Variants in GSE1 observed in about 807,000 individuals in gnomAD.
The protein encoded by GSE1 is Gse1 coiled-coil protein, also known as genetic suppressor element 1.
In GSE1, 32 loss-of-function variants were observed where a neutral mutation model predicts 112.6. The observed-to-expected ratio is 0.28, with a 90% CI of 0.21 to 0.38. The LOEUF is 0.38. Among genes scored for constraint, GSE1 ranks in the 10% least tolerant of loss-of-function variants. The probability of loss-of-function intolerance (pLI) is 1.00; values close to 1 mark genes in which losing one functional copy is unlikely to be tolerated. For missense variants in GSE1, 2,348 were observed against 1,699.2 expected (o/e 1.38, Z -6.71); for synonymous variants, 1,115 against 735.6 (o/e 1.52, Z -8.35).
intron 1 of GSE1, chr16:85,583,215 G>A (rs538747576): frequency 1.3e-5 from 2 of 152,296 alleles, no homozygotes; most frequent in East Asian, 3.9e-4. Flanking sequence ...GACATACAGC[G>A]ATTCTCAGTT....
intron 2 of GSE1, among the ~76,000 whole-genome samples, chr16:85,374,357 C>T (rs1042204337): frequency 1.3e-5 from 2 of 149,962 alleles, no homozygotes; most frequent in African/African-American, 4.9e-5. Context: ...GCGTGGCCCT[C>T]GGTGTGCAGT....
rs138424554 is a variant in GSE1 at position 85,578,348 on chromosome 16, C to A, written c.37+21985C>A. On this transcript the variant is annotated intron_variant, in intron 1 of 2. Coordinates refer to the GSE1 transcript ENST00000635906. ...TGTCCCGAACGCCAGGCTCCAAGTG[C>A]CTGGGCTCCCCAGACGACAGAGGCA... 2.4e-3 allele frequency among the ~76,000 whole-genome samples: 365 copies of A among 152,342 alleles called. 3 individuals carry two copies. Among genetic ancestry groups the A allele is most frequent in the African/African-American group, 8.5e-3 (353 of 41,576 alleles).
chr16:85,324,702 C>T (rs1313031875), intron 1 of GSE1, among the ~76,000 whole-genome samples: 1 of 151,974 alleles, frequency 6.6e-6, no homozygotes, highest in Non-Finnish European at 1.5e-5. Context: ...AAGGAACGAA[C>T]ACAGAGGGTG....
rs2151545807 is a variant in GSE1, at chr16:85,344,237, C to T, written c.2284-13226C>T. Among the ~76,000 whole-genome samples, 3 of 152,256 alleles carry T rather than the reference C, an allele frequency of 2.0e-5. No individual in the cohort carries two copies. The South Asian group carries it at 6.2e-4, about 32-fold the overall frequency. ...TAGTGCCCAGGGGAAAGGGTACGGT[C>T]CCTGGCTGAGGAGGAGGCAGAGAAC... On this transcript the variant is annotated intron_variant, in intron 1 of 2. Transcript: ENST00000637419.
intron 2 of GSE1, among the ~76,000 whole-genome samples, chr16:85,499,247 C>G (rs2051281421): frequency 1.4e-5 from 2 of 146,228 alleles, no homozygotes; most frequent in Admixed American, 1.4e-4. Flanking sequence ...AGATGGGCAT[C>G]AGCGAGAGGG....
chr16:85,169,914 C>T (rs1040077426), exon 1 of GSE1: 7 of 984,216 alleles, frequency 7.1e-6, no homozygotes, highest in Non-Finnish European at 7.2e-6. Context: ...GCCGCCGTGG[C>T]GGCGCCGGGG....
At chr16:85,221,311 C>G (rs1395003852) in intron 1 of GSE1, among the ~76,000 whole-genome samples, 2 of 136,218 alleles carry the variant, frequency 1.5e-5, no homozygotes, top group Non-Finnish European at 3.3e-5. Flanking sequence ...TTCCCTAGCG[C>G]GCACACACAC....
chr16:85,356,113 T>C (rs1337513555), intron 1 of GSE1, among the ~76,000 whole-genome samples: 2 of 152,176 alleles, frequency 1.3e-5, no homozygotes, highest in East Asian at 3.8e-4. Flanking sequence ...AGTTCATCCG[T>C]ATAGTTATAA....
chr16:85,199,084 A>G (rs2074981208), intron 1 of GSE1, among the ~76,000 whole-genome samples: 1 of 152,088 alleles, frequency 6.6e-6, no homozygotes, highest in East Asian at 1.9e-4. Context: ...AGCTGGGATC[A>G]CAGGCATGTG....
chr16:85,322,911 C>T (rs1391071251), intron 1 of GSE1, among the ~76,000 whole-genome samples: 3 of 152,208 alleles, frequency 2.0e-5, no homozygotes, highest in African/African-American at 7.2e-5. Context: ...CCACCACGCC[C>T]AGCCTCCGTT....
intron 9 of GSE1, among the ~76,000 whole-genome samples, 176 bp downstream of exon 9, chr16:85,661,941 G>T (rs1003682102): frequency 6.6e-6 from 1 of 152,182 alleles, no homozygotes; most frequent in African/African-American, 2.4e-5. Context: ...CCCTCGTAGG[G>T]GAGGCAGACC....
At chr16:85,347,870 C>G (rs988020161) in intron 1 of GSE1, among the ~76,000 whole-genome samples, 24 of 152,314 alleles carry the variant, frequency 1.6e-4, no homozygotes, top group Non-Finnish European at 2.9e-4. Flanking sequence ...TGGGGACAAC[C>G]CCAGTGTCAA....
intron 1 of GSE1, among the ~76,000 whole-genome samples, chr16:85,210,792 C>T (rs554718360): frequency 6.6e-6 from 1 of 152,314 alleles, no homozygotes; most frequent in East Asian, 1.9e-4. Context: ...GTCACCGTGT[C>T]ATCTTAGCAC....
At chr16:85,382,253 C>A (rs530424898) in intron 2 of GSE1, among the ~76,000 whole-genome samples, 10 of 152,314 alleles carry the variant, frequency 6.6e-5, no homozygotes, top group South Asian at 2.1e-4. Flanking sequence ...CTCCAGCCCG[C>A]CCTTATCTCA....
chr16:85,656,312 C>G (rs2051925404), intron 6 of GSE1, 31 bp from the exon 7 acceptor site: 1 of 1,606,536 alleles, frequency 6.2e-7, no homozygotes, highest in Non-Finnish European at 8.5e-7. Context: ...CCTGGTGCAG[C>G]AGAGCCCCCA....
At position 85,339,399 on chromosome 16, in the gene GSE1, A is replaced by G. The variant is rs1315407447; in HGVS notation, c.2284-18064A>G. Among the ~76,000 whole-genome samples the G allele has an allele frequency of 2.0e-5, 3 of 152,092 alleles. No homozygotes were observed. In the East Asian group the frequency reaches 5.8e-4, roughly 29 times the overall value. ...CGGACAAATGGCCGCGGTGCTGACG[A>G]GGCCCTGGCACGACTCTGCCTGCTT... On this transcript the variant is annotated intron_variant, in intron 1 of 2. Coordinates refer to the GSE1 transcript ENST00000637419.
intron 2 of GSE1, among the ~76,000 whole-genome samples, chr16:85,448,352 AC>A (rs1348707547): frequency 6.6e-6 from 1 of 152,140 alleles, no homozygotes; most frequent in African/African-American, 2.4e-5. Flanking sequence ...GGGGTGCAAG[AC>A]CCTGTGCTCT....
intron 1 of GSE1, among the ~76,000 whole-genome samples, chr16:85,284,142 C>T (rs2044941861): frequency 6.6e-6 from 1 of 152,244 alleles, no homozygotes. Flanking sequence ...TCAAGATGCC[C>T]CCGGCCCAGG....
At chr16:85,546,880 C>T (rs1169033912) in intron 2 of GSE1, among the ~76,000 whole-genome samples, 1 of 152,234 alleles carries the variant, frequency 6.6e-6, no homozygotes, top group Non-Finnish European at 1.5e-5. Context: ...AGAGGTAGAT[C>T]CTCAGGAAGG....
Sources: allele counts gnomAD v4.1 joint callset (sites outside exome capture counted in the v4.1 genomes callset), GRCh38; gene constraint gnomAD v4.1.1; transcripts MANE v1.5; gene names NCBI Gene and HGNC (gene_info 2026-07-23, HGNC 2026-07-21).